RPS6KA6: variants seen among roughly 807,000 people sequenced by gnomAD.
The protein encoded by RPS6KA6 is ribosomal protein S6 kinase alpha-6.
In RPS6KA6, 27 loss-of-function variants were observed where a neutral mutation model predicts 65.4. The observed-to-expected ratio is 0.41, with a 90% CI of 0.30 to 0.57. The LOEUF is 0.57. Among genes scored for constraint, RPS6KA6 ranks in the 20% least tolerant of loss-of-function variants. The pLI, the probability that RPS6KA6 is intolerant of heterozygous loss-of-function variation, is 0.24. For synonymous variants in RPS6KA6, 190 were observed against 184.2 expected (o/e 1.03, Z -0.26); for missense variants, 486 against 555.6 (o/e 0.87, Z 1.26).
At chrX:84,166,798 T>C (rs2035602657) in intron 1 of RPS6KA6, among the ~76,000 whole-genome samples, 1 of 111,503 alleles carries the variant, frequency 9.0e-6, no homozygotes, top group Non-Finnish European at 1.9e-5. Context: ...AAGGGTACAA[T>C]GTTCCTTTTT....
Position 84,130,938 on chromosome X carries a change from C to T in RPS6KA6, c.646+3844G>A, listed in dbSNP as rs1419404050. ...TTTTGGTGATAGTTACAAGGCTGTA[C>T]GCATTTGTCAAAACTTACAGAACTA... is the stretch of plus-strand genomic sequence containing the variant. On this transcript the variant is annotated intron_variant, in intron 8 of 21. Coordinates refer to ENST00000262752, the MANE Select transcript of RPS6KA6 (RefSeq NM_014496.5). Among the ~76,000 whole-genome samples, 4 of 111,697 alleles carry T rather than the reference C, an allele frequency of 3.6e-5. 1 individual carries two copies. The highest frequency in any genetic ancestry group is 4.6e-3 in the Middle Eastern group (1 of 218).
intron 17 of RPS6KA6, 70 bp from the exon 18 acceptor site, chrX:84,102,268 T>A (rs890752273): frequency 2.6e-5 from 14 of 539,040 alleles, no homozygotes; most frequent in Non-Finnish European, 3.4e-5. Flanking sequence ...AAACATTATA[T>A]CTATATAATT....
At chrX:84,142,177 GACC>G (rs1395577329) in intron 6 of RPS6KA6, among the ~76,000 whole-genome samples, 2 of 111,538 alleles carry the variant, frequency 1.8e-5, no homozygotes, top group African/African-American at 3.2e-5. Context: ...TATGCTTTAT[GACC>G]ACAAGAACAT....
intron 1 of RPS6KA6, among the ~76,000 whole-genome samples, chrX:84,165,136 T>C (rs929083866): frequency 9.0e-6 from 1 of 110,808 alleles, no homozygotes; most frequent in African/African-American, 3.3e-5. Context: ...AGAGACCCTA[T>C]GTCTGCAAAG....
chrX:84,181,057 C>T (rs185998912), intron 1 of RPS6KA6, among the ~76,000 whole-genome samples: 2 of 111,381 alleles, frequency 1.8e-5, no homozygotes, highest in East Asian at 2.8e-4. Context: ...CCTTAAGATT[C>T]GATACCTTTA....
At chrX:84,100,176 A>C (rs2034232882) in intron 18 of RPS6KA6, among the ~76,000 whole-genome samples, 1 of 111,240 alleles carries the variant, frequency 9.0e-6, no homozygotes, top group Non-Finnish European at 1.9e-5. Flanking sequence ...TATTTTGAAA[A>C]TACAAATACT....
chrX:84,092,672 T>A (rs6616897), intron 20 of RPS6KA6, among the ~76,000 whole-genome samples: 5,596 of 109,643 alleles, frequency 0.051, 200 homozygotes, highest in East Asian at 0.2. Flanking sequence ...GAGTGGCTAC[T>A]ATCAAAAAAA....
intron 6 of RPS6KA6, among the ~76,000 whole-genome samples, chrX:84,139,046 T>C (rs1171189506): frequency 2.7e-5 from 3 of 111,998 alleles, no homozygotes; most frequent in Non-Finnish European, 5.6e-5. Flanking sequence ...TAATAAGCTG[T>C]CTACAGAAGT....
At chrX:84,079,966 C>T (rs1337341374) in intron 20 of RPS6KA6, among the ~76,000 whole-genome samples, 1 of 111,933 alleles carries the variant, frequency 8.9e-6, no homozygotes, top group Non-Finnish European at 1.9e-5. Context: ...GCGCAGCGCT[C>T]GAGCTCTACT....
chrX:84,070,169 T>C (rs944114865), intron 20 of RPS6KA6, among the ~76,000 whole-genome samples: 6 of 112,082 alleles, frequency 5.4e-5, no homozygotes, highest in African/African-American at 1.9e-4. Context: ...CAAATGCCCA[T>C]CGATGACAGA....
At position 84,104,670 on chromosome X, in the gene RPS6KA6, G is replaced by T. The variant is rs752335862; in HGVS notation, c.1456-13C>A. 2.9e-6 allele frequency: 3 copies of T among 1,037,613 alleles called. No individual in the cohort carries two copies. Among genetic ancestry groups the T allele is most frequent in the South Asian group, 2.8e-5 (1 of 35,900 alleles). 85.5% of individuals were successfully genotyped at this position (1,037,613 alleles called of 1,213,427 possible). On this transcript the variant is annotated splice_polypyrimidine_tract_variant and intron_variant, in intron 16 of 21. Transcript: ENST00000262752. ...CATCATCAAAGACCTACAAAAGAACGCAGTTTTAAAATGTTATTATTTATA... is the reference window on the plus strand; with the variant it reads ...CATCATCAAAGACCTACAAAAGAACTCAGTTTTAAAATGTTATTATTTATA...
intron 6 of RPS6KA6, among the ~76,000 whole-genome samples, chrX:84,137,081 A>T (rs1409957618): frequency 8.9e-6 from 1 of 111,739 alleles, no homozygotes; most frequent in Non-Finnish European, 1.9e-5. Context: ...ACAAAATGAA[A>T]ATTATCCTAA....
chrX:84,084,469 C>G (rs2033873832), intron 20 of RPS6KA6, among the ~76,000 whole-genome samples: 1 of 112,028 alleles, frequency 8.9e-6, no homozygotes, highest in Non-Finnish European at 1.9e-5. Flanking sequence ...AATAAGGAAT[C>G]CTTTCCCCAT....
intron 20 of RPS6KA6, among the ~76,000 whole-genome samples, chrX:84,079,165 C>T (rs992367698): frequency 1.8e-5 from 2 of 110,557 alleles, no homozygotes; most frequent in Non-Finnish European, 3.8e-5. Flanking sequence ...CCACAGAGGG[C>T]GAGCTGAAGG....
chrX:84,105,582 C>T (rs2034342232), intron 16 of RPS6KA6, among the ~76,000 whole-genome samples: 1 of 110,445 alleles, frequency 9.1e-6, no homozygotes. Flanking sequence ...ATTTACCAAT[C>T]ATCATAGTTA....
intron 20 of RPS6KA6, among the ~76,000 whole-genome samples, chrX:84,068,677 G>A (rs375106969): frequency 3.8e-4 from 43 of 112,031 alleles, no homozygotes; most frequent in African/African-American, 1.3e-3. Flanking sequence ...AAACCCTATC[G>A]TCTCAGCCTA....
At chrX:84,184,224 C>A (rs888124644) in intron 1 of RPS6KA6, among the ~76,000 whole-genome samples, 3 of 111,957 alleles carry the variant, frequency 2.7e-5, no homozygotes, top group Non-Finnish European at 5.6e-5. Context: ...ATGAAATGAT[C>A]AAATTTAGGA....
intron 8 of RPS6KA6, among the ~76,000 whole-genome samples, chrX:84,131,159 A>T (rs6616904): frequency 0.061 from 6,813 of 111,361 alleles, 229 homozygotes; most frequent in East Asian, 0.2. Flanking sequence ...GATAGTCCCA[A>T]CACCAAAAGA....
At chrX:84,170,907 G>C (rs1420564189) in intron 1 of RPS6KA6, among the ~76,000 whole-genome samples, 2 of 111,020 alleles carry the variant, frequency 1.8e-5, no homozygotes, top group Non-Finnish European at 3.8e-5. Flanking sequence ...TAAGACTCTA[G>C]AGGCTTTCCT....
Sources: gnomAD v4.1 joint callset for allele counts (sites outside exome capture counted in the v4.1 genomes callset) on GRCh38, gnomAD v4.1.1 for gene constraint, MANE v1.5 for transcripts, NCBI Gene and HGNC (gene_info 2026-07-23, HGNC 2026-07-21) for gene names.